The following DSCAM variants were observed in gnomAD, a reference collection of about 807,000 sequenced individuals.
DSCAM encodes cell adhesion molecule DSCAM.
DSCAM carries 47 observed loss-of-function variants against 217.7 expected under a neutral mutation model. That is an observed-to-expected ratio of 0.22 (90% CI 0.17 to 0.28). The LOEUF (loss-of-function observed/expected upper bound fraction) is 0.28. DSCAM is among the 10% of genes least tolerant of loss of function. The pLI, the probability that DSCAM is intolerant of heterozygous loss-of-function variation, is 1.00. For missense variants in DSCAM, 2,080 were observed against 2,618.3 expected, an observed-to-expected ratio of 0.79 and a Z score of 4.49; for synonymous variants, 1,056 against 1,015.3, an observed-to-expected ratio of 1.04 and a Z score of -0.76.
intron 3 of DSCAM, among the ~76,000 whole-genome samples, chr21:40,428,620 T>C (rs138249809): frequency 1.3e-5 from 2 of 152,258 alleles, no homozygotes; most frequent in African/African-American, 2.4e-5. Context: ...GAGTCTTTTA[T>C]AGAGTCTAAG....
intron 3 of DSCAM, among the ~76,000 whole-genome samples, chr21:40,475,712 T>A (rs567163546): frequency 6.6e-6 from 1 of 152,244 alleles, no homozygotes; most frequent in Non-Finnish European, 1.5e-5. Flanking sequence ...GCGCCTGTAA[T>A]CCCAGCTACT....
At chr21:40,725,956 G>A (rs532398422) in intron 1 of DSCAM, among the ~76,000 whole-genome samples, 1 of 152,100 alleles carries the variant, frequency 6.6e-6, no homozygotes, top group Non-Finnish European at 1.5e-5. Flanking sequence ...GAATTAAAAG[G>A]TTGCAAACTC....
Position 40,144,403 on chromosome 21 carries a change from G to A in DSCAM, c.3259+88C>T. On this transcript the variant is annotated intron_variant, in intron 17 of 32. Coordinates refer to ENST00000400454, the MANE Select transcript of DSCAM (RefSeq NM_001389.5). The surrounding 1 kb of genome is among the most constrained non-coding windows in gnomAD (Gnocchi z 4.8). ...AGGTCACTGCAAAGTCGTGGGGCGG[G>A]GGAGTGCGAGGTTGGGGGAGCCCCG... is the stretch of plus-strand genomic sequence containing the variant. 1 of 1,566,136 alleles carries A rather than the reference G, an allele frequency of 6.4e-7. No homozygotes were observed. The highest frequency in any genetic ancestry group is 8.7e-7 in the Non-Finnish European group (1 of 1,152,710).
At chr21:40,572,098 GTGTGTGTGTGTGTGTGTGTT>G (rs2146205142) in intron 3 of DSCAM, among the ~76,000 whole-genome samples, 1 of 151,850 alleles carries the variant, frequency 6.6e-6, no homozygotes, top group South Asian at 2.1e-4. Flanking sequence ...GTGTGTGTGT[GTGTGTGTGTGTGTGTGTGTT>G]TGTGTGTACA....
intron 1 of DSCAM, among the ~76,000 whole-genome samples, chr21:40,722,869 G>A (rs1236566605): frequency 6.6e-6 from 1 of 152,070 alleles, no homozygotes; most frequent in Non-Finnish European, 1.5e-5. Flanking sequence ...AAGTGGGAGT[G>A]ATTATATTAA....
intron 1 of DSCAM, among the ~76,000 whole-genome samples, chr21:40,822,545 T>C (rs1366933043): frequency 6.6e-6 from 1 of 152,082 alleles, no homozygotes; most frequent in Non-Finnish European, 1.5e-5. Context: ...CTTATCTTAT[T>C]CCATATTCCC....
chr21:40,744,555 A>G (rs2091155980), intron 1 of DSCAM, among the ~76,000 whole-genome samples: 1 of 152,192 alleles, frequency 6.6e-6, no homozygotes, highest in South Asian at 2.1e-4. Context: ...GTTCTAGTCC[A>G]GTGTTTAAGT....
intron 5 of DSCAM, among the ~76,000 whole-genome samples, chr21:40,352,422 A>C (rs2074641368): frequency 6.6e-6 from 1 of 152,140 alleles, no homozygotes. Context: ...AAACATATTC[A>C]AATATTTGCA....
chr21:40,029,205 T>G (rs2146443188), intron 32 of DSCAM, among the ~76,000 whole-genome samples: 1 of 152,358 alleles, frequency 6.6e-6, no homozygotes, highest in South Asian at 2.1e-4. Flanking sequence ...CTTGGATTAC[T>G]GCTTCTTCTT....
intron 9 of DSCAM, among the ~76,000 whole-genome samples, chr21:40,300,594 C>T (rs535939174): frequency 6.6e-6 from 1 of 152,340 alleles, no homozygotes; most frequent in African/African-American, 2.4e-5. Context: ...ACCCACCTTA[C>T]TGGTGCAACC....
At chr21:40,597,594 C>T (rs554996504) in intron 3 of DSCAM, among the ~76,000 whole-genome samples, 1 of 150,208 alleles carries the variant, frequency 6.7e-6, no homozygotes, top group South Asian at 2.1e-4. Flanking sequence ...GCAGCCTCCA[C>T]CTCCTGGGTT....
intron 11 of DSCAM, among the ~76,000 whole-genome samples, chr21:40,210,559 C>T (rs1019259313): frequency 2.0e-5 from 3 of 152,116 alleles, no homozygotes; most frequent in African/African-American, 7.2e-5. Context: ...TTTATTTGTT[C>T]TTTAAGATGG....
chr21:40,439,258 C>A (rs1314257721), intron 3 of DSCAM, among the ~76,000 whole-genome samples: 1 of 152,144 alleles, frequency 6.6e-6, no homozygotes, highest in African/African-American at 2.4e-5. Context: ...AATATTAGTT[C>A]CACAACATAT....
intron 18 of DSCAM, among the ~76,000 whole-genome samples, chr21:40,136,692 C>CT (rs911239767): frequency 6.6e-5 from 10 of 152,150 alleles, no homozygotes; most frequent in South Asian, 6.2e-4. Context: ...TGATGAAGGT[C>CT]TTTTTTTCCC....
chr21:40,241,002 G>T (rs2073145557), intron 11 of DSCAM, among the ~76,000 whole-genome samples: 1 of 152,152 alleles, frequency 6.6e-6, no homozygotes. Context: ...ATGGATTAAA[G>T]ATTTAAATGT....
intron 1 of DSCAM, among the ~76,000 whole-genome samples, chr21:40,825,509 G>T (rs1404687517): frequency 6.6e-6 from 1 of 151,976 alleles, no homozygotes; most frequent in African/African-American, 2.4e-5. Flanking sequence ...GTAGAGACGG[G>T]GTTTCACCAT....
At chr21:40,036,311 C>T (rs1239736162) in intron 32 of DSCAM, among the ~76,000 whole-genome samples, 1 of 149,812 alleles carries the variant, frequency 6.7e-6, no homozygotes, top group African/African-American at 2.5e-5. Context: ...CAAATAGATG[C>T]AATAAAAAAT....
chr21:40,268,465 G>A (rs1470794132), intron 11 of DSCAM, among the ~76,000 whole-genome samples: 1 of 152,128 alleles, frequency 6.6e-6, no homozygotes, highest in African/African-American at 2.4e-5. Flanking sequence ...AGTGCCACTG[G>A]CCACAGGGGA....
At chr21:40,293,573 G>A (rs1374079547) in intron 10 of DSCAM, among the ~76,000 whole-genome samples, 3 of 152,130 alleles carry the variant, frequency 2.0e-5, no homozygotes, top group African/African-American at 7.2e-5. Context: ...AATTATTGAT[G>A]TACTACAATA....
Sources: gnomAD v4.1 joint callset for allele counts (sites outside exome capture counted in the v4.1 genomes callset) on GRCh38, gnomAD v4.1.1 for gene constraint, Gnocchi (gnomAD v3.1) non-coding constraint, MANE v1.5 for transcripts, NCBI Gene and HGNC (gene_info 2026-07-23, HGNC 2026-07-21) for gene names.